Variants in CSMD3 observed in about 807,000 individuals in gnomAD.
CSMD3 encodes CUB and sushi domain-containing protein 3.
In CSMD3, 177 loss-of-function variants were observed where a neutral mutation model predicts 435.2. The observed-to-expected ratio is 0.41, with a 90% CI of 0.36 to 0.46. CSMD3 has a LOEUF of 0.46. Ranked by LOEUF, CSMD3 falls within the 20% of genes least tolerant of loss-of-function variation. CSMD3 has a pLI of 0.34. For synonymous variants in CSMD3, 1,656 were observed against 1,520.5 expected, an observed-to-expected ratio of 1.09 and a Z score of -2.07; for missense variants, 4,265 against 4,504.6, an observed-to-expected ratio of 0.95 and a Z score of 1.52.
At position 112,921,677 on chromosome 8, in the gene CSMD3, C is replaced by G. The variant is rs779272178; in HGVS notation, c.1583G>C (p.Arg528Pro). The G allele has an allele frequency of 1.2e-6, 2 of 1,611,974 alleles. No homozygotes were observed. The highest frequency in any genetic ancestry group is 1.1e-5 in the South Asian group (1 of 91,036). The change falls in exon 10 of 71, where the codon CGG becomes CCG. Residue 528 changes from arginine to proline, a missense_variant. By Grantham distance (103) the Arg-to-Pro change is moderately radical. Around this residue, in one of 3 missense-constraint regions of CSMD3, gnomAD observed 731 missense variants for 755.4 expected, o/e 0.97. Coordinates refer to ENST00000297405, the MANE Select transcript of CSMD3 (RefSeq NM_198123.2). ...LQGAKSITCQ[R>P]IAEVFAAWSD... ...CCAAGCAGCAAAAACTTCAGCTATC[C>G]GTTGACAGGTGATGCTCTTTGCGCC...
intron 2 of CSMD3, among the ~76,000 whole-genome samples, chr8:113,290,836 AATC>A (rs1380051426): frequency 6.6e-6 from 1 of 151,534 alleles, no homozygotes; most frequent in Non-Finnish European, 1.5e-5. Context: ...TTAAAATAAT[AATC>A]ATAGGCCATA....
At chr8:112,920,250 A>G (rs535024446) in intron 10 of CSMD3, among the ~76,000 whole-genome samples, 88 of 152,034 alleles carry the variant, frequency 5.8e-4, no homozygotes, top group South Asian at 8.3e-4. Flanking sequence ...CATGATTAAC[A>G]GTTAAATTGA....
intron 1 of CSMD3, among the ~76,000 whole-genome samples, chr8:113,409,079 CTTTTTTTTTT>C (rs1218107775): frequency 3.0e-5 from 3 of 99,092 alleles, no homozygotes; most frequent in South Asian, 3.9e-4. Context: ...TCTTCTTCTT[CTTTTTTTTTT>C]TTTTTTTTTT....
intron 22 of CSMD3, among the ~76,000 whole-genome samples, chr8:112,590,293 G>C (rs1831073161): frequency 6.6e-6 from 1 of 152,054 alleles, no homozygotes; most frequent in African/African-American, 2.4e-5. Flanking sequence ...ATATAACTGA[G>C]AGCCCTGACC....
chr8:112,464,621 T>C (rs1316056308), intron 32 of CSMD3, among the ~76,000 whole-genome samples: 2 of 152,008 alleles, frequency 1.3e-5, no homozygotes, highest in African/African-American at 4.8e-5. Flanking sequence ...AAGAGAAGGA[T>C]CCACAATTTG....
At chr8:112,228,160 T>C (rs937268835) in intron 70 of CSMD3, among the ~76,000 whole-genome samples, 1 of 152,180 alleles carries the variant, frequency 6.6e-6, no homozygotes, top group African/African-American at 2.4e-5. Flanking sequence ...TGGGATATAG[T>C]AAAGCACTCA....
At chr8:112,517,509 G>C (rs1268289753) in intron 27 of CSMD3, among the ~76,000 whole-genome samples, 1 of 151,926 alleles carries the variant, frequency 6.6e-6, no homozygotes, top group Non-Finnish European at 1.5e-5. Context: ...AAATATATTT[G>C]TTAGGAACAT....
rs190837093 is a variant in CSMD3, at chr8:112,672,154, A to T, written c.2678-5739T>A. ...CAGGGACAGGTACTGTCCCAGGGGC[A>T]TTAGGAAAGAGTCTGGGTAGGAGAT... On this transcript the variant is annotated intron_variant, in intron 16 of 70. Coordinates refer to ENST00000297405, the MANE Select transcript of CSMD3 (RefSeq NM_198123.2). 2.0e-5 allele frequency among the ~76,000 whole-genome samples: 3 copies of T among 152,208 alleles called. No homozygotes were observed. The East Asian group carries it at 5.8e-4, about 29-fold the overall frequency.
intron 56 of CSMD3, 152 bp from the exon 57 acceptor site, chr8:112,289,690 T>C (rs1403188861): frequency 3.4e-6 from 2 of 584,090 alleles, no homozygotes; most frequent in South Asian, 2.6e-5. Flanking sequence ...GGTGTCTTTT[T>C]AAAAACAAAG....
At chr8:112,398,625 C>G (rs554651719) in intron 35 of CSMD3, among the ~76,000 whole-genome samples, 2 of 152,144 alleles carry the variant, frequency 1.3e-5, no homozygotes, top group Non-Finnish European at 2.9e-5. Context: ...AGGAACTATC[C>G]CTATGTAGCC....
At chr8:112,237,113 G>T (rs2129985387) in intron 67 of CSMD3, 77 bp downstream of exon 67, 3 of 1,429,772 alleles carry the variant, frequency 2.1e-6, no homozygotes, top group Non-Finnish European at 2.0e-6. Flanking sequence ...CATATAAAAA[G>T]CATTACTAAA....
At chr8:112,332,465 A>G (rs1460450142) in intron 45 of CSMD3, among the ~76,000 whole-genome samples, 1 of 152,156 alleles carries the variant, frequency 6.6e-6, no homozygotes, top group African/African-American at 2.4e-5. Flanking sequence ...ACTGCAGAGT[A>G]ACAATCAGTG....
chr8:113,381,195 A>G (rs1054707284), intron 1 of CSMD3, among the ~76,000 whole-genome samples: 1 of 152,234 alleles, frequency 6.6e-6, no homozygotes, highest in African/African-American at 2.4e-5. Context: ...TCCCAGGTGC[A>G]AGTGGAAAGA....
intron 12 of CSMD3, among the ~76,000 whole-genome samples, chr8:112,815,985 T>G (rs563472828): frequency 1.3e-5 from 2 of 152,288 alleles, no homozygotes; most frequent in South Asian, 2.1e-4. Flanking sequence ...CTCATCCACA[T>G]GATGAGAAAA....
At chr8:112,255,156 T>C (rs1216659110) in intron 62 of CSMD3, 98 bp downstream of exon 62, 6 of 991,024 alleles carry the variant, frequency 6.1e-6, no homozygotes, top group Admixed American at 2.1e-5. Context: ...TGTTTTTATA[T>C]TAAGCCAACT....
intron 32 of CSMD3, among the ~76,000 whole-genome samples, chr8:112,460,855 AG>A (rs997258248): frequency 1.3e-5 from 2 of 152,138 alleles, no homozygotes; most frequent in Non-Finnish European, 2.9e-5. Flanking sequence ...TGAAATGTTA[AG>A]GGTTTATAAA....
At chr8:112,711,896 G>A (rs1042179072) in intron 13 of CSMD3, among the ~76,000 whole-genome samples, 2 of 151,988 alleles carry the variant, frequency 1.3e-5, no homozygotes, top group African/African-American at 4.8e-5. Context: ...CTGAGTATCT[G>A]GTACTACAGG....
chr8:112,255,518 T>C, intron 61 of CSMD3, 91 bp from the exon 62 acceptor site: 1 of 1,098,364 alleles, frequency 9.1e-7, no homozygotes, highest in South Asian at 1.3e-5. Flanking sequence ...ATTTGAATAT[T>C]GTACTAAAGA....
At chr8:113,372,934 C>T (rs1480290007) in intron 1 of CSMD3, among the ~76,000 whole-genome samples, 1 of 111,820 alleles carries the variant, frequency 8.9e-6, no homozygotes, top group African/African-American at 2.9e-5. Flanking sequence ...GAGCGAGACT[C>T]CGTCTCAAAA....
Sources: allele counts gnomAD v4.1 joint callset (sites outside exome capture counted in the v4.1 genomes callset), GRCh38; gene constraint gnomAD v4.1.1; regional missense constraint gnomAD v4.1.1; transcripts MANE v1.5; gene names NCBI Gene and HGNC (gene_info 2026-07-23, HGNC 2026-07-21).